Variants in PPA2 observed in about 807,000 individuals in gnomAD.
The protein encoded by PPA2 is inorganic pyrophosphatase 2, mitochondrial.
Under a neutral mutation model 49.5 loss-of-function variants are expected in PPA2, and 48 were observed. That is an observed-to-expected ratio of 0.97 (90% confidence interval 0.77 to 1.23). The LOEUF (loss-of-function observed/expected upper bound fraction) is 1.23. Among genes scored for constraint, PPA2 ranks in the 50% most tolerant of loss-of-function variants. The pLI, the probability that PPA2 is intolerant of heterozygous loss-of-function variation, is 0.00. For synonymous variants in PPA2, 131 were observed against 139.9 expected, an observed-to-expected ratio of 0.94 and a Z score of 0.45; for missense variants, 429 against 410.1, an observed-to-expected ratio of 1.05 and a Z score of -0.40.
At position 105,456,680 on chromosome 4, in the gene PPA2, C is replaced by T; in HGVS notation, c.222+1G>A. On this transcript the variant is annotated splice_donor_variant, in intron 2 of 11. Transcript: ENST00000341695. LOFTEE classifies it high-confidence loss of function. ...ATTCCCAAAACAAGTCAAAACAATACCTCTTTAGAGTTCACCTTCAGAGGA... is the reference window on the plus strand; with the variant it reads ...ATTCCCAAAACAAGTCAAAACAATATCTCTTTAGAGTTCACCTTCAGAGGA... 6.3e-7 allele frequency: 1 copy of T among 1,597,960 alleles called. No individual in the cohort carries two copies. The highest frequency in any genetic ancestry group is 1.3e-5 in the African/African-American group (1 of 74,410).
chr4:105,394,309 G>C (rs951757720), intron 9 of PPA2, among the ~76,000 whole-genome samples: 5 of 150,398 alleles, frequency 3.3e-5, no homozygotes, highest in African/African-American at 1.2e-4. Flanking sequence ...GGGAGGCAGA[G>C]GCTGCAGTGG....
intron 7 of PPA2, among the ~76,000 whole-genome samples, chr4:105,414,134 A>T (rs1722892103): frequency 6.6e-6 from 1 of 152,270 alleles, no homozygotes; most frequent in Admixed American, 6.5e-5. Context: ...ATAAAGAATT[A>T]AAACAAGATA....
intron 10 of PPA2, among the ~76,000 whole-genome samples, chr4:105,385,961 C>G (rs908143488): frequency 6.6e-6 from 1 of 150,520 alleles, no homozygotes; most frequent in Non-Finnish European, 1.5e-5. Flanking sequence ...TTCACTGCAA[C>G]CTTTGCCTCC....
chr4:105,470,526 A>AAAC (rs763741702), intron 1 of PPA2, among the ~76,000 whole-genome samples: 1 of 152,230 alleles, frequency 6.6e-6, no homozygotes, highest in Non-Finnish European at 1.5e-5. Flanking sequence ...TAAAATGAAT[A>AAAC]AACAACAACA....
chr4:105,379,456 GATA>G, intron 10 of PPA2, among the ~76,000 whole-genome samples: 1 of 101,636 alleles, frequency 9.8e-6, no homozygotes, highest in South Asian at 3.6e-4. Context: ...TAGATAGATA[GATA>G]GATAGATATC....
intron 1 of PPA2, among the ~76,000 whole-genome samples, chr4:105,465,549 A>T (rs1002723999): frequency 6.6e-5 from 10 of 152,094 alleles, no homozygotes; most frequent in African/African-American, 2.4e-4. Flanking sequence ...TATCCCTAAT[A>T]AGTGTTCTGT....
At chr4:105,457,873 G>A (rs1184802465) in intron 1 of PPA2, among the ~76,000 whole-genome samples, 2 of 152,110 alleles carry the variant, frequency 1.3e-5, no homozygotes, top group African/African-American at 4.8e-5. Flanking sequence ...CCCAGATTTT[G>A]GTTTCAAAAT....
chr4:105,456,218 G>A (rs1373557403), intron 2 of PPA2: 1 of 477,526 alleles, frequency 2.1e-6, no homozygotes, highest in Admixed American at 2.3e-5. Flanking sequence ...GTGGTCAGAA[G>A]CTAATTCCAA....
intron 1 of PPA2, among the ~76,000 whole-genome samples, chr4:105,467,312 A>C (rs1383831657): frequency 6.6e-6 from 1 of 152,226 alleles, no homozygotes; most frequent in Non-Finnish European, 1.5e-5. Flanking sequence ...AGGGAGGAGC[A>C]CTGAAGGCAT....
chr4:105,430,560 G>A (rs545264022), intron 6 of PPA2, among the ~76,000 whole-genome samples: 11 of 152,174 alleles, frequency 7.2e-5, no homozygotes, highest in Non-Finnish European at 1.6e-4. Context: ...TCAACACTAC[G>A]TGCATCATTT....
At chr4:105,411,295 G>C (rs915434675) in intron 7 of PPA2, among the ~76,000 whole-genome samples, 1 of 152,006 alleles carries the variant, frequency 6.6e-6, no homozygotes, top group Non-Finnish European at 1.5e-5. Flanking sequence ...AAACCAACAC[G>C]GATCAAAAGA....
At chr4:105,385,907 T>C (rs1733660859) in intron 10 of PPA2, among the ~76,000 whole-genome samples, 1 of 146,090 alleles carries the variant, frequency 6.8e-6, no homozygotes, top group Non-Finnish European at 1.5e-5. Context: ...TGAGACAGAG[T>C]CTCACTCTGT....
chr4:105,456,426 C>A, intron 2 of PPA2: 1 of 453,936 alleles, frequency 2.2e-6, no homozygotes, highest in Non-Finnish European at 4.1e-6. Flanking sequence ...AAATTACTAC[C>A]CTTAAATCTT....
chr4:105,443,591 TCA>T (rs56765056), intron 5 of PPA2, among the ~76,000 whole-genome samples: 2,416 of 145,406 alleles, frequency 0.017, 36 homozygotes, highest in African/African-American at 0.037. Context: ...TATGGTGTAT[TCA>T]CACACACACA....
intron 7 of PPA2, among the ~76,000 whole-genome samples, chr4:105,418,873 G>A (rs931076713): frequency 2.6e-5 from 4 of 152,184 alleles, no homozygotes; most frequent in African/African-American, 9.7e-5. Flanking sequence ...TCTGTTTGGT[G>A]AGTATCTGAA....
chr4:105,369,893 CT>C, intron 11 of PPA2, 140 bp from the exon 12 acceptor site: 1 of 783,936 alleles, frequency 1.3e-6, no homozygotes, highest in South Asian at 1.8e-5. Flanking sequence ...AGTTGCATTT[CT>C]CTATTTAAAG....
chr4:105,371,246 A>G (rs1040852421), intron 10 of PPA2, among the ~76,000 whole-genome samples: 1 of 152,208 alleles, frequency 6.6e-6, no homozygotes, highest in African/African-American at 2.4e-5. Flanking sequence ...CATGCTTGCT[A>G]TAAAACACAC....
chr4:105,473,701 C>T (rs772534743), intron 1 of PPA2, 193 bp downstream of exon 1: 10 of 909,254 alleles, frequency 1.1e-5, no homozygotes, highest in Non-Finnish European at 1.8e-5. Flanking sequence ...GATCCGCCGC[C>T]TCCTCGCTGG....
intron 6 of PPA2, among the ~76,000 whole-genome samples, chr4:105,433,282 T>C (rs1284284450): frequency 6.6e-6 from 1 of 152,182 alleles, no homozygotes; most frequent in African/African-American, 2.4e-5. Flanking sequence ...CATGTAACCA[T>C]TGTTTACAGC....
Sources: allele counts gnomAD v4.1 joint callset (sites outside exome capture counted in the v4.1 genomes callset), GRCh38; gene constraint gnomAD v4.1.1; transcripts MANE v1.5; gene names NCBI Gene and HGNC (gene_info 2026-07-23, HGNC 2026-07-21).